MSL2: variants seen among roughly 807,000 people sequenced by gnomAD.
The protein encoded by MSL2 is E3 ubiquitin-protein ligase MSL2.
Under a neutral mutation model 35.8 loss-of-function variants are expected in MSL2, and 2 were observed. The observed-to-expected ratio is 0.06, with a 90% CI of 0.02 to 0.18. The LOEUF (loss-of-function observed/expected upper bound fraction) is 0.18, where lower values mean the gene tolerates loss of function less well. Ranked by LOEUF, MSL2 falls within the 10% of genes least tolerant of loss-of-function variation. The pLI is 1.00. For missense variants in MSL2, 523 were observed against 706.7 expected (o/e 0.74, Z 2.95); for synonymous variants, 296 against 255.7 (o/e 1.16, Z -1.50).
chr3:136,167,558 C>T (rs1333496499), intron 1 of MSL2, among the ~76,000 whole-genome samples: 5 of 152,088 alleles, frequency 3.3e-5, no homozygotes, highest in Non-Finnish European at 7.4e-5. Context: ...TCAAATAATG[C>T]AAATAATTTT....
At chr3:136,188,438 A>AG (rs1427044174) in intron 1 of MSL2, among the ~76,000 whole-genome samples, 3 of 148,010 alleles carry the variant, frequency 2.0e-5, no homozygotes, top group South Asian at 2.1e-4. Flanking sequence ...ATCTGGAAGA[A>AG]GAAAAAAAAA....
intron 1 of MSL2, among the ~76,000 whole-genome samples, chr3:136,187,242 T>C (rs1940551218): frequency 1.3e-5 from 2 of 152,198 alleles, no homozygotes; most frequent in African/African-American, 2.4e-5. Flanking sequence ...ACATTTCAAA[T>C]TAAAATGTTA....
At chr3:136,180,775 AG>A (rs1940322581) in intron 1 of MSL2, among the ~76,000 whole-genome samples, 1 of 38,216 alleles carries the variant, frequency 2.6e-5, no homozygotes, top group Non-Finnish European at 5.0e-5. Context: ...GGAGGGAGGG[AG>A]GGAGGGAGGG....
intron 1 of MSL2, among the ~76,000 whole-genome samples, chr3:136,173,308 A>C (rs1940081445): frequency 6.6e-6 from 1 of 152,178 alleles, no homozygotes. Context: ...TGAACTTCAG[A>C]CCCAATATCG....
intron 1 of MSL2, among the ~76,000 whole-genome samples, chr3:136,158,679 T>C (rs940750531): frequency 6.6e-6 from 1 of 152,228 alleles, no homozygotes; most frequent in Non-Finnish European, 1.5e-5. Context: ...AAAATTGTTT[T>C]AGTAATGGAT....
In MSL2 at chr3:136,195,951, G is replaced by C. The variant is rs1373302308; in HGVS notation, c.-838C>G. The C allele has an allele frequency of 4.9e-6, 2 of 406,724 alleles. No homozygotes were observed. Among genetic ancestry groups the C allele is most frequent in the Non-Finnish European group, 6.6e-6 (2 of 302,374 alleles). The allele number at this position is 406,724 out of a possible 1,614,324, so 25.2% of individuals were successfully genotyped here. On this transcript the variant is annotated 5_prime_UTR_variant, in exon 1 of 2. Coordinates refer to ENST00000309993, the MANE Select transcript of MSL2 (RefSeq NM_018133.4). ...CACACTCCGGGGTCACCAGACTCAA[G>C]CGCCGCCCCCTCACTGCCCGGCCAT...
intron 1 of MSL2, among the ~76,000 whole-genome samples, chr3:136,184,151 C>T (rs1362488914): frequency 6.6e-6 from 1 of 151,718 alleles, no homozygotes; most frequent in Non-Finnish European, 1.5e-5. Flanking sequence ...AAAAATTAGC[C>T]GGGCGTTGAC....
chr3:136,180,779 AGGGAGGGAGGGAGGGAG>A (rs1559969156), intron 1 of MSL2, among the ~76,000 whole-genome samples: 2 of 43,490 alleles, frequency 4.6e-5, no homozygotes, highest in Non-Finnish European at 8.6e-5. Flanking sequence ...GGAGGGAGGG[AGGGAGGGAGGGAGGGAG>A]GGAGGGAGGG....
chr3:136,164,985 C>T (rs934383740), intron 1 of MSL2, among the ~76,000 whole-genome samples: 12 of 151,898 alleles, frequency 7.9e-5, no homozygotes, highest in African/African-American at 1.9e-4. Flanking sequence ...GCAATTCTCC[C>T]GCCTCAGCCT....
intron 1 of MSL2, chr3:136,155,644 TG>T: frequency 2.5e-6 from 1 of 406,750 alleles, no homozygotes; most frequent in South Asian, 2.3e-5. Flanking sequence ...GTGCCGCCCA[TG>T]GGGATACAGG....
intron 1 of MSL2, among the ~76,000 whole-genome samples, chr3:136,157,177 T>C (rs1030042582): frequency 6.6e-6 from 1 of 151,820 alleles, no homozygotes; most frequent in African/African-American, 2.4e-5. Context: ...TGTAATCTCA[T>C]CACTTTGGGA....
intron 1 of MSL2, among the ~76,000 whole-genome samples, chr3:136,161,257 C>G (rs77450835): frequency 0.01 from 1,532 of 152,196 alleles, 29 homozygotes; most frequent in African/African-American, 0.033. Flanking sequence ...ATATACTGCT[C>G]GTAAAATGTA....
chr3:136,192,157 G>A (rs763795111), intron 1 of MSL2, among the ~76,000 whole-genome samples: 1 of 152,184 alleles, frequency 6.6e-6, no homozygotes, highest in Non-Finnish European at 1.5e-5. Context: ...TTTACAGAAG[G>A]TTTAGACAAG....
intron 1 of MSL2, among the ~76,000 whole-genome samples, chr3:136,192,279 G>A (rs145955659): frequency 1.8e-4 from 28 of 152,244 alleles, no homozygotes; most frequent in African/African-American, 6.0e-4. Context: ...TTCAAGCAAT[G>A]TCTGGAGATC....
chr3:136,149,783 A>G lies in MSL2; in HGVS notation c.*1364T>C, dbSNP rs556820890. ...AACATGCTGTGTGCCAAATCAAAACATAACTTCAGCATATGTCAGATCTTA... is the reference window on the plus strand; with the variant it reads ...AACATGCTGTGTGCCAAATCAAAACGTAACTTCAGCATATGTCAGATCTTA... On this transcript the variant is annotated 3_prime_UTR_variant, in exon 2 of 2. Coordinates refer to ENST00000309993, the MANE Select transcript of MSL2 (RefSeq NM_018133.4). 6.6e-6 allele frequency: 1 copy of G among 152,208 alleles called. No homozygotes were observed. The highest frequency in any genetic ancestry group is 1.5e-5 in the Non-Finnish European group (1 of 68,028). The allele number at this position is 152,208 out of a possible 1,614,324, so 9.4% of individuals were successfully genotyped here.
chr3:136,187,934 C>T (rs1940567879), intron 1 of MSL2, among the ~76,000 whole-genome samples: 1 of 151,626 alleles, frequency 6.6e-6, no homozygotes, highest in African/African-American at 2.4e-5. Flanking sequence ...GCCTGTAGAA[C>T]ATATTTTTTA....
Position 136,195,768 on chromosome 3 carries a change from G to C in MSL2, c.-655C>G, listed in dbSNP as rs1047692547. On this transcript the variant is annotated 5_prime_UTR_variant, in exon 1 of 2. Transcript: ENST00000309993. The stretch of plus-strand genomic sequence containing the variant: ...CTGCGCCCTGGCTCTCCGCCCCGTG[G>C]GTTGCAGCCCGCAGTTCCCCGAGGT... 2 of 985,010 alleles carry C rather than the reference G, an allele frequency of 2.0e-6. No individual in the cohort carries two copies. The highest frequency in any genetic ancestry group is 1.2e-6 in the Non-Finnish European group (1 of 829,846). The allele number at this position is 985,010 out of a possible 1,614,324, so 61.0% of individuals were successfully genotyped here.
intron 1 of MSL2, among the ~76,000 whole-genome samples, chr3:136,158,168 C>G (rs987299875): frequency 6.6e-6 from 1 of 151,884 alleles, no homozygotes; most frequent in African/African-American, 2.4e-5. Flanking sequence ...AAAAATTAGC[C>G]GGGCGTGGTG....
In MSL2 at chr3:136,152,287, A is replaced by C; in HGVS notation, c.594T>G (p.Asn198Lys). The change falls in exon 2 of 2, where the codon AAT becomes AAG. Residue 198 changes from asparagine (N) to lysine (K), a missense_variant. Physicochemically the swap from Asn to Lys is moderately conservative, Grantham distance 94. Coordinates refer to ENST00000309993, the MANE Select transcript of MSL2 (RefSeq NM_018133.4). ...SSVINGLPTY[N>K]GLSIDRFGIN... Reference sequence around the variant, plus strand: ...TACCAAATCTATCTATTGAAAGCCCATTATAAGTAGGCAAACCATTGATAA... The same window carrying C: ...TACCAAATCTATCTATTGAAAGCCCCTTATAAGTAGGCAAACCATTGATAA... 5 of 1,614,124 alleles carry C rather than the reference A, an allele frequency of 3.1e-6. No homozygotes were observed. Among genetic ancestry groups the C allele is most frequent in the Non-Finnish European group, 4.2e-6 (5 of 1,179,926 alleles).
Sources: gnomAD v4.1 joint callset for allele counts (sites outside exome capture counted in the v4.1 genomes callset) on GRCh38, gnomAD v4.1.1 for gene constraint, MANE v1.5 for transcripts, NCBI Gene and HGNC (gene_info 2026-07-23, HGNC 2026-07-21) for gene names.